SAMD4A: variants seen among roughly 807,000 people sequenced by gnomAD.
The protein encoded by SAMD4A is protein Smaug homolog 1.
SAMD4A carries 33 observed loss-of-function variants against 81.3 expected under a neutral mutation model. That is an observed-to-expected ratio of 0.41 (90% CI 0.31 to 0.54). The LOEUF (loss-of-function observed/expected upper bound fraction) is 0.54. Ranked by LOEUF, SAMD4A falls within the 20% of genes least tolerant of loss-of-function variation. SAMD4A has a pLI of 0.37. For synonymous variants in SAMD4A, 389 were observed against 382.1 expected (o/e 1.02, Z -0.21); for missense variants, 854 against 951.1 (o/e 0.90, Z 1.34).
rs117998591 is a variant in SAMD4A, at chr14:54,643,462, T to C, written c.197-58600T>C. Among the ~76,000 whole-genome samples, 106 of 152,348 alleles carry C rather than the reference T, an allele frequency of 7.0e-4. 2 individuals are homozygous for C. In the East Asian group the frequency reaches 0.014, roughly 20 times the overall value. On this transcript the variant is annotated intron_variant, in intron 2 of 12. Coordinates refer to ENST00000554335, the MANE Select transcript of SAMD4A (RefSeq NM_015589.6). ...ACATTGGCAAATGTCAGTCCTTTTA[T>C]GGAAGTACCAGCCTTGAGCTAGGAG...
At chr14:54,683,038 A>C (rs948016741) in intron 2 of SAMD4A, among the ~76,000 whole-genome samples, 10 of 152,062 alleles carry the variant, frequency 6.6e-5, no homozygotes, top group African/African-American at 2.2e-4. Context: ...CCCCAAGGGT[A>C]CCCTGCCTGG....
chr14:54,764,993 C>T (rs766776901), intron 8 of SAMD4A, among the ~76,000 whole-genome samples: 8 of 152,120 alleles, frequency 5.3e-5, no homozygotes, highest in Non-Finnish European at 1.0e-4. Flanking sequence ...TTTGGGCTTG[C>T]GATTGTTGTA....
At chr14:54,691,647 G>A (rs1164682644) in intron 2 of SAMD4A, among the ~76,000 whole-genome samples, 2 of 151,956 alleles carry the variant, frequency 1.3e-5, no homozygotes, top group African/African-American at 4.8e-5. Context: ...ACAAGTAACA[G>A]GTGAAAATCA....
At chr14:54,729,258 C>T (rs780706269) in intron 3 of SAMD4A, among the ~76,000 whole-genome samples, 12 of 152,046 alleles carry the variant, frequency 7.9e-5, no homozygotes, top group African/African-American at 2.9e-4. Context: ...CCGTTAAGCG[C>T]GGGATGGATG....
chr14:54,591,728 T>C (rs2033781867), intron 2 of SAMD4A, among the ~76,000 whole-genome samples: 1 of 152,212 alleles, frequency 6.6e-6, no homozygotes, highest in African/African-American at 2.4e-5. Flanking sequence ...TTACATAGTG[T>C]AGTGTATATT....
At chr14:54,718,048 CT>C (rs1297231457) in intron 3 of SAMD4A, among the ~76,000 whole-genome samples, 2 of 152,158 alleles carry the variant, frequency 1.3e-5, no homozygotes, top group African/African-American at 2.4e-5. Flanking sequence ...TCTTGCTCCT[CT>C]TCCCCCAGCC....
chr14:54,646,709 G>A (rs541724410), intron 2 of SAMD4A, among the ~76,000 whole-genome samples: 2 of 152,314 alleles, frequency 1.3e-5, no homozygotes. Flanking sequence ...TCAGTTCACT[G>A]GGAGAATGGG....
intron 2 of SAMD4A, among the ~76,000 whole-genome samples, chr14:54,638,048 A>G (rs1021724038): frequency 6.6e-6 from 1 of 152,212 alleles, no homozygotes; most frequent in Non-Finnish European, 1.5e-5. Context: ...AATGGTCACC[A>G]TCCTGTACAT....
chr14:54,663,194 A>G (rs994268218), intron 2 of SAMD4A, among the ~76,000 whole-genome samples: 1 of 152,250 alleles, frequency 6.6e-6, no homozygotes, highest in Non-Finnish European at 1.5e-5. Context: ...AGAGCTAAAT[A>G]AAGTTCCATT....
intron 8 of SAMD4A, among the ~76,000 whole-genome samples, chr14:54,768,823 A>T (rs2038627682): frequency 6.6e-6 from 1 of 152,234 alleles, no homozygotes; most frequent in African/African-American, 2.4e-5. Context: ...CGTTTCTGCC[A>T]CATGATTAAC....
At chr14:54,592,608 C>T (rs1381812019) in intron 2 of SAMD4A, among the ~76,000 whole-genome samples, 1 of 152,056 alleles carries the variant, frequency 6.6e-6, no homozygotes, top group Non-Finnish European at 1.5e-5. Flanking sequence ...TACAGGTGGC[C>T]GCTACCACGC....
intron 2 of SAMD4A, among the ~76,000 whole-genome samples, chr14:54,661,571 A>G (rs778859551): frequency 6.6e-5 from 10 of 152,230 alleles, no homozygotes; most frequent in Admixed American, 1.3e-4. Flanking sequence ...TGGTCTGTGC[A>G]TTAACCTCAA....
At chr14:54,627,451 A>G (rs1440607011) in intron 2 of SAMD4A, among the ~76,000 whole-genome samples, 1 of 152,240 alleles carries the variant, frequency 6.6e-6, no homozygotes, top group African/African-American at 2.4e-5. Context: ...CTGAATATCT[A>G]GCACACAGAC....
intron 2 of SAMD4A, among the ~76,000 whole-genome samples, chr14:54,699,402 T>G (rs1363214515): frequency 6.6e-6 from 1 of 152,152 alleles, no homozygotes; most frequent in Non-Finnish European, 1.5e-5. Flanking sequence ...AGGTCATCTG[T>G]GCCCTCCTGC....
chr14:54,605,126 G>A (rs1037825708), intron 2 of SAMD4A, among the ~76,000 whole-genome samples: 1 of 152,092 alleles, frequency 6.6e-6, no homozygotes, highest in Non-Finnish European at 1.5e-5. Flanking sequence ...AGTGTTGTTC[G>A]TGATGTTAAT....
chr14:54,747,282 A>T (rs1400580780), intron 4 of SAMD4A, among the ~76,000 whole-genome samples: 3 of 152,242 alleles, frequency 2.0e-5, no homozygotes, highest in African/African-American at 7.2e-5. Context: ...TTCTCCAGAA[A>T]TTCCCCTTCA....
chr14:54,672,468 C>T (rs1369503727), intron 2 of SAMD4A, among the ~76,000 whole-genome samples: 1 of 152,160 alleles, frequency 6.6e-6, no homozygotes, highest in Admixed American at 6.5e-5. Flanking sequence ...AGCTGGAATT[C>T]CGTAAGACTT....
chr14:54,642,280 C>T (rs1234989683), intron 2 of SAMD4A, among the ~76,000 whole-genome samples: 1 of 152,136 alleles, frequency 6.6e-6, no homozygotes, highest in Non-Finnish European at 1.5e-5. Flanking sequence ...TTTCTCTAGG[C>T]TGGGAAAGTA....
chr14:54,781,476 A>G (rs2038997822), intron 11 of SAMD4A, among the ~76,000 whole-genome samples: 1 of 152,266 alleles, frequency 6.6e-6, no homozygotes, highest in South Asian at 2.1e-4. Context: ...GTCTCAAGTC[A>G]GCCTAGACCT....
Sources: gnomAD v4.1 joint callset for allele counts (sites outside exome capture counted in the v4.1 genomes callset) on GRCh38, gnomAD v4.1.1 for gene constraint, MANE v1.5 for transcripts, NCBI Gene and HGNC (gene_info 2026-07-23, HGNC 2026-07-21) for gene names.